The following RGS21 variants were observed in gnomAD, a reference collection of about 807,000 sequenced individuals.
RGS21 encodes regulator of G protein signaling 21, also known as regulator of G-protein signalling 21.
RGS21 carries 19 observed loss-of-function variants against 18.7 expected under a neutral mutation model. The ratio of observed to expected loss-of-function variants is 1.01; its 90% CI spans 0.71 to 1.49. The LOEUF is 1.49. RGS21 is among the 40% of genes most tolerant of loss of function. The pLI, the probability that RGS21 is intolerant of heterozygous loss-of-function variation, is 0.00. For synonymous variants in RGS21, 56 were observed against 57.8 expected, an observed-to-expected ratio of 0.97 and a Z score of 0.14; for missense variants, 194 against 176.8, an observed-to-expected ratio of 1.10 and a Z score of -0.55.
intron 4 of RGS21, among the ~76,000 whole-genome samples, chr1:192,352,766 T>C (rs79453439): frequency 0.011 from 1,632 of 152,112 alleles, 21 homozygotes; most frequent in Non-Finnish European, 0.017. Context: ...ATCAGGAAAC[T>C]AGAAAGAGCC....
chr1:192,344,816 A>G (rs898489667), intron 2 of RGS21, among the ~76,000 whole-genome samples: 2 of 152,082 alleles, frequency 1.3e-5, no homozygotes, highest in Non-Finnish European at 2.9e-5. Flanking sequence ...AGGCATTGCT[A>G]CACACCAGCA....
chr1:192,363,087 T>A (rs2102239292), intron 4 of RGS21, among the ~76,000 whole-genome samples: 1 of 152,248 alleles, frequency 6.6e-6, no homozygotes, highest in South Asian at 2.1e-4. Context: ...GAGAAATGTT[T>A]AAAAGTAAAA....
rs775962074 is a variant in RGS21 at position 192,347,372 on chromosome 1, C to T, written c.71C>T (p.Thr24Met). 58 of 1,592,630 alleles carry T rather than the reference C, an allele frequency of 3.6e-5. No homozygotes were observed. The highest frequency in any genetic ancestry group is 1.7e-4 in the Middle Eastern group (1 of 6,022). The change falls in exon 3 of 5, where the codon ACG becomes ATG. Residue 24 changes from threonine (T) to methionine (M), a missense_variant. Coordinates refer to ENST00000417209, the MANE Select transcript of RGS21 (RefSeq NM_001039152.3). ...ATGACATGGTCTGAAAATATGGACA[C>T]GCTTTTAGCCAACCAAGGTAAGATT... ...ETMTWSENMDTLLANQAGLDA... is the reference protein window; with the variant it reads ...ETMTWSENMDMLLANQAGLDA...
At chr1:192,354,052 G>C (rs1355157981) in intron 4 of RGS21, among the ~76,000 whole-genome samples, 1 of 151,484 alleles carries the variant, frequency 6.6e-6, no homozygotes, top group Non-Finnish European at 1.5e-5. Flanking sequence ...ACTAAAGGAA[G>C]TTTGCTTGTT....
At chr1:192,333,123 C>T (rs1267586427) in intron 1 of RGS21, among the ~76,000 whole-genome samples, 1 of 152,008 alleles carries the variant, frequency 6.6e-6, no homozygotes, top group Non-Finnish European at 1.5e-5. Flanking sequence ...TGAGTTATCA[C>T]TGCCGATCTA....
At chr1:192,326,282 T>C (rs1412347610) in intron 1 of RGS21, among the ~76,000 whole-genome samples, 1 of 152,014 alleles carries the variant, frequency 6.6e-6, no homozygotes, top group Middle Eastern at 3.2e-3. Flanking sequence ...TAAACAATGG[T>C]GTTGTATCCA....
intron 3 of RGS21, among the ~76,000 whole-genome samples, chr1:192,350,559 G>A (rs1193191790): frequency 6.6e-6 from 1 of 152,086 alleles, no homozygotes; most frequent in Admixed American, 6.6e-5. Context: ...ATGCAAAGGG[G>A]GCCTCCCTGG....
intron 1 of RGS21, among the ~76,000 whole-genome samples, chr1:192,323,193 C>G (rs143583705): frequency 6.6e-6 from 1 of 152,220 alleles, no homozygotes; most frequent in African/African-American, 2.4e-5. Flanking sequence ...AAAGTGTAGT[C>G]ACTCCTTGTT....
intron 4 of RGS21, among the ~76,000 whole-genome samples, 169 bp downstream of exon 4, chr1:192,352,382 T>C (rs1377466600): frequency 2.6e-5 from 4 of 152,046 alleles, no homozygotes; most frequent in Non-Finnish European, 4.4e-5. Flanking sequence ...TTTTTTTTCA[T>C]TGATTCAGTA....
At chr1:192,342,052 C>A (rs547827134) in intron 1 of RGS21, among the ~76,000 whole-genome samples, 1 of 152,060 alleles carries the variant, frequency 6.6e-6, no homozygotes. Context: ...TAGTCCAGGG[C>A]CACTGATACT....
intron 1 of RGS21, among the ~76,000 whole-genome samples, chr1:192,325,515 T>C (rs183620911): frequency 1.2e-4 from 18 of 152,236 alleles, no homozygotes; most frequent in Admixed American, 1.2e-3. Flanking sequence ...TGTTTTAAGT[T>C]CTTTGAGAAA....
chr1:192,318,138 T>C (rs1557971948), intron 1 of RGS21, among the ~76,000 whole-genome samples: 1 of 152,080 alleles, frequency 6.6e-6, no homozygotes, highest in Non-Finnish European at 1.5e-5. Context: ...GAAATCAATA[T>C]CCTGTTATTT....
intron 1 of RGS21, among the ~76,000 whole-genome samples, chr1:192,324,832 C>T (rs1372973218): frequency 6.6e-6 from 1 of 151,984 alleles, no homozygotes; most frequent in Non-Finnish European, 1.5e-5. Context: ...CAAAGTCCAT[C>T]CCAGGCCAAC....
chr1:192,355,055 A>T (rs1659092831), intron 4 of RGS21, among the ~76,000 whole-genome samples: 1 of 151,596 alleles, frequency 6.6e-6, no homozygotes, highest in South Asian at 2.1e-4. Flanking sequence ...AAAGTGTTAC[A>T]TTCTCTCTGG....
Position 192,338,121 on chromosome 1 carries a change from G to A in RGS21, c.-60-4856G>A, listed in dbSNP as rs557271321. 2.5e-4 allele frequency among the ~76,000 whole-genome samples: 38 copies of A among 152,186 alleles called. 1 individual carries two copies. Among genetic ancestry groups the A allele is most frequent in the African/African-American group, 8.9e-4 (37 of 41,542 alleles). Reference sequence around the variant, plus strand: ...CAAATGAGCGTTATATTTCCAAGCAGCCACTTTGGGAGATCAGACACATTT... The same window carrying A: ...CAAATGAGCGTTATATTTCCAAGCAACCACTTTGGGAGATCAGACACATTT... On this transcript the variant is annotated intron_variant, in intron 1 of 4. Transcript: ENST00000417209.
chr1:192,365,579 C>T (rs1434769822), intron 4 of RGS21, among the ~76,000 whole-genome samples: 1 of 152,046 alleles, frequency 6.6e-6, no homozygotes, highest in Non-Finnish European at 1.5e-5. Flanking sequence ...AGGAAAATTA[C>T]ATTTTAAGTA....
chr1:192,331,540 C>T lies in RGS21; in HGVS notation c.-60-11437C>T, dbSNP rs148181803. ...CCAGCCTGGTGACAGAGCAAGACTC[C>T]GTCTCTAAATAAATAAATAAATAAA... is the stretch of plus-strand genomic sequence containing the variant. On this transcript the variant is annotated intron_variant, in intron 1 of 4. Transcript: ENST00000417209. Among the ~76,000 whole-genome samples the T allele has an allele frequency of 2.0e-3, 257 of 129,708 alleles. 1 individual carries two copies. The highest frequency in any genetic ancestry group is 7.0e-3 in the African/African-American group (229 of 32,490). The allele number at this position is 129,708 out of a possible 152,430, so 85.1% of individuals were successfully genotyped here.
At chr1:192,347,432 T>C (rs551351193) in intron 3 of RGS21, 43 bp downstream of exon 3, 11 of 901,068 alleles carry the variant, frequency 1.2e-5, no homozygotes, top group African/African-American at 1.0e-4. Flanking sequence ...AATAATTAAA[T>C]ATAAATTATT....
chr1:192,330,481 AT>A (rs1487651666), intron 1 of RGS21, among the ~76,000 whole-genome samples: 1 of 152,244 alleles, frequency 6.6e-6, no homozygotes, highest in Non-Finnish European at 1.5e-5. Flanking sequence ...TTGAAGCCAG[AT>A]TTTGGCAGAC....
Sources: gnomAD v4.1 joint callset for allele counts (sites outside exome capture counted in the v4.1 genomes callset) on GRCh38, gnomAD v4.1.1 for gene constraint, MANE v1.5 for transcripts, NCBI Gene and HGNC (gene_info 2026-07-23, HGNC 2026-07-21) for gene names.